The following EPHA6 variants were observed in gnomAD, a reference collection of about 807,000 sequenced individuals.
EPHA6 encodes ephrin type-A receptor 6.
In EPHA6, 50 loss-of-function variants were observed where a neutral mutation model predicts 112.0. The observed-to-expected ratio is 0.45, with a 90% CI of 0.36 to 0.56. The LOEUF (loss-of-function observed/expected upper bound fraction) is 0.56. EPHA6 is among the 20% of genes least tolerant of loss of function. The pLI, the probability that EPHA6 is intolerant of heterozygous loss-of-function variation, is 0.00. For synonymous variants in EPHA6, 529 were observed against 490.7 expected (o/e 1.08, Z -1.03); for missense variants, 1,280 against 1,417.4 (o/e 0.90, Z 1.56).
intron 12 of EPHA6, among the ~76,000 whole-genome samples, chr3:97,595,748 G>A (rs1698706076): frequency 6.6e-6 from 1 of 151,714 alleles, no homozygotes; most frequent in Non-Finnish European, 1.5e-5. Context: ...ATAAGAGAAT[G>A]GGGAAGGAGA....
rs1309698190 is a variant in EPHA6 at position 97,328,078 on chromosome 3, T to TATAA, written c.1607-77071_1607-77070insTAAA. 8.7e-3 allele frequency among the ~76,000 whole-genome samples: 1,209 copies of TATAA among 138,174 alleles called. 16 individuals are homozygous for TATAA. The highest frequency in any genetic ancestry group is 0.012 in the Non-Finnish European group (799 of 66,696). The allele number at this position is 138,174 out of a possible 152,430, so 90.6% of individuals were successfully genotyped here. ...ACATATATATATATATATATATATA[T>TATAA]AACCTGTTTTGTATAATCATTCATT... On this transcript the variant is annotated intron_variant, in intron 5 of 17. Transcript: ENST00000389672.
At chr3:97,599,829 T>C (rs1410397995) in intron 12 of EPHA6, among the ~76,000 whole-genome samples, 13 of 152,324 alleles carry the variant, frequency 8.5e-5, no homozygotes, top group African/African-American at 3.1e-4. Context: ...TTGATGGGGA[T>C]GGCATTGAAT....
intron 2 of EPHA6, among the ~76,000 whole-genome samples, chr3:96,893,289 C>G (rs1441294725): frequency 6.6e-6 from 1 of 152,104 alleles, no homozygotes; most frequent in Non-Finnish European, 1.5e-5. Flanking sequence ...ATCATTATTT[C>G]TACTTATAAA....
In EPHA6 at chr3:97,687,504, GTC is replaced by G. The variant is rs140073859; in HGVS notation, c.2785-32753_2785-32752del. 5.3e-3 allele frequency among the ~76,000 whole-genome samples: 808 copies of G among 152,230 alleles called. 7 individuals are homozygous for G. Among genetic ancestry groups the G allele is most frequent in the African/African-American group, 0.018 (759 of 41,526 alleles). ...AACGCGATGAAATATAATAAGCATA[GTC>G]TCTATTTCAGAATGAGACGCTGAGG... On this transcript the variant is annotated intron_variant, in intron 14 of 17. Transcript: ENST00000389672.
chr3:97,725,407 T>C (rs1445778299), intron 15 of EPHA6, among the ~76,000 whole-genome samples: 1 of 152,128 alleles, frequency 6.6e-6, no homozygotes, highest in Non-Finnish European at 1.5e-5. Flanking sequence ...GGTCAGAGCA[T>C]TGTAACTGGC....
At chr3:97,367,925 T>G (rs16838592) in intron 5 of EPHA6, among the ~76,000 whole-genome samples, 4,534 of 152,272 alleles carry the variant, frequency 0.03, 215 homozygotes, top group African/African-American at 0.099. Flanking sequence ...AGTAATATAG[T>G]CTGTATAACC....
At chr3:97,502,423 C>T (rs1447050018) in intron 10 of EPHA6, among the ~76,000 whole-genome samples, 1 of 151,816 alleles carries the variant, frequency 6.6e-6, no homozygotes, top group Non-Finnish European at 1.5e-5. Flanking sequence ...CCCACCTCGG[C>T]CTCCTAAAGT....
chr3:97,067,839 G>C, intron 3 of EPHA6, among the ~76,000 whole-genome samples: 1 of 151,868 alleles, frequency 6.6e-6, no homozygotes, highest in East Asian at 1.9e-4. Context: ...AGTAGCACTA[G>C]TTCAATAAAG....
intron 3 of EPHA6, among the ~76,000 whole-genome samples, chr3:97,037,404 C>T (rs894926104): frequency 1.3e-5 from 2 of 151,936 alleles, no homozygotes; most frequent in Non-Finnish European, 2.9e-5. Context: ...CATGAAAGGG[C>T]TACTAATAAA....
chr3:97,202,001 CTGA>C (rs2077589064), intron 3 of EPHA6, among the ~76,000 whole-genome samples: 1 of 152,070 alleles, frequency 6.6e-6, no homozygotes, highest in African/African-American at 2.4e-5. Context: ...ACCAAACATG[CTGA>C]TGATGCTGTT....
chr3:97,591,643 T>A (rs1246839021), intron 11 of EPHA6, among the ~76,000 whole-genome samples: 1 of 152,354 alleles, frequency 6.6e-6, no homozygotes, highest in Admixed American at 6.5e-5. Context: ...CATTCACTAA[T>A]ACTGCAAGTG....
intron 12 of EPHA6, among the ~76,000 whole-genome samples, chr3:97,606,556 G>T (rs1445793458): frequency 6.6e-6 from 1 of 151,244 alleles, no homozygotes; most frequent in Non-Finnish European, 1.5e-5. Flanking sequence ...GGAAAAGAAA[G>T]TTCAAAGGAA....
At chr3:97,722,802 A>G (rs1319617377) in intron 15 of EPHA6, among the ~76,000 whole-genome samples, 1 of 152,148 alleles carries the variant, frequency 6.6e-6, no homozygotes, top group Non-Finnish European at 1.5e-5. Context: ...AATCATTCTA[A>G]TTAGACATTC....
chr3:97,107,403 T>TTA (rs142388854), intron 3 of EPHA6, among the ~76,000 whole-genome samples: 3,116 of 152,224 alleles, frequency 0.02, 46 homozygotes, highest in Non-Finnish European at 0.029. Context: ...TATACTTTTG[T>TTA]TATACATCAC....
rs369775805 is a variant in EPHA6, at chr3:97,639,034, A to T, written c.2784+952A>T. Among the ~76,000 whole-genome samples the T allele has an allele frequency of 3.4e-4, 52 of 152,210 alleles. No individual in the cohort carries two copies. The South Asian group carries it at 0.01, about 30-fold the overall frequency. ...TACTCCAGAATAAAATGCAAGTTTA[A>T]TATTGTGAAAGGAATATTTTATGCC... On this transcript the variant is annotated intron_variant, in intron 14 of 17. Transcript: ENST00000389672.
chr3:97,507,501 C>T (rs769694840), intron 10 of EPHA6, among the ~76,000 whole-genome samples: 25 of 152,074 alleles, frequency 1.6e-4, no homozygotes, highest in Non-Finnish European at 2.5e-4. Flanking sequence ...GCCTTGCATC[C>T]CAGGGGTGAA....
rs1025455689 is a variant in EPHA6 at position 97,327,795 on chromosome 3, C to T, written c.1607-77355C>T. On this transcript the variant is annotated intron_variant, in intron 5 of 17. Coordinates refer to ENST00000389672, the MANE Select transcript of EPHA6 (RefSeq NM_001080448.3). ...GTTCATCGAAGTTGTAGCAGTACTA[C>T]ATTCATTTTTATTGCTGAATGATAT... 5.3e-5 allele frequency among the ~76,000 whole-genome samples: 8 copies of T among 149,850 alleles called. No individual in the cohort carries two copies. In the Admixed American group the frequency reaches 5.4e-4, roughly 10 times the overall value.
intron 3 of EPHA6, among the ~76,000 whole-genome samples, chr3:97,004,995 A>G (rs2043821902): frequency 6.6e-6 from 1 of 152,180 alleles, no homozygotes; most frequent in Admixed American, 6.5e-5. Flanking sequence ...CATCAGTACC[A>G]TGCGGTTTTG....
intron 10 of EPHA6, among the ~76,000 whole-genome samples, chr3:97,506,398 T>C (rs1415746026): frequency 6.6e-6 from 1 of 152,234 alleles, no homozygotes; most frequent in Non-Finnish European, 1.5e-5. Context: ...GTTTTCTGCA[T>C]ATGGCTAGCC....
Sources: gnomAD v4.1 joint callset for allele counts (sites outside exome capture counted in the v4.1 genomes callset) on GRCh38, gnomAD v4.1.1 for gene constraint, MANE v1.5 for transcripts, NCBI Gene and HGNC (gene_info 2026-07-23, HGNC 2026-07-21) for gene names.